The following FGGY variants were observed in gnomAD, a reference collection of about 807,000 sequenced individuals.
FGGY encodes the protein FGGY carbohydrate kinase domain containing, also known as FGGY carbohydrate kinase domain-containing protein.
A neutral mutation model predicts 71.3 loss-of-function variants in FGGY; 72 were observed. The observed-to-expected ratio is 1.01, with a 90% CI of 0.84 to 1.23. FGGY has a LOEUF of 1.23. Ranked by LOEUF, FGGY falls within the 50% of genes most tolerant of loss-of-function variation. FGGY has a pLI of 0.00. For missense variants in FGGY, 668 were observed against 682.3 expected, an observed-to-expected ratio of 0.98 and a Z score of 0.23; for synonymous variants, 251 against 250.3, an observed-to-expected ratio of 1.00 and a Z score of -0.02.
At chr1:59,557,462 T>TTCCAATAC (rs2095708525) in intron 8 of FGGY, among the ~76,000 whole-genome samples, 1 of 152,154 alleles carries the variant, frequency 6.6e-6, no homozygotes, top group African/African-American at 2.4e-5. Context: ...ACTTAGAAGC[T>TTCCAATAC]TCGTACCTCC....
intron 5 of FGGY, among the ~76,000 whole-genome samples, chr1:59,431,058 C>T (rs2067272683): frequency 6.6e-6 from 1 of 152,168 alleles, no homozygotes; most frequent in Admixed American, 6.5e-5. Context: ...TATATTGCCT[C>T]AGATATCACT....
chr1:59,713,307 C>T (rs2097813771), intron 14 of FGGY, among the ~76,000 whole-genome samples: 1 of 152,202 alleles, frequency 6.6e-6, no homozygotes, highest in African/African-American at 2.4e-5. Context: ...TTCCTGTCTT[C>T]TTCTGAGTCT....
At chr1:59,657,657 A>G (rs1459137483) in intron 11 of FGGY, among the ~76,000 whole-genome samples, 1 of 152,188 alleles carries the variant, frequency 6.6e-6, no homozygotes, top group Non-Finnish European at 1.5e-5. Context: ...TGTTCCACTC[A>G]GGGGGCTATG....
At chr1:59,425,117 G>A (rs574127530) in intron 5 of FGGY, among the ~76,000 whole-genome samples, 21 of 152,112 alleles carry the variant, frequency 1.4e-4, no homozygotes, top group Non-Finnish European at 2.4e-4. Context: ...CCGTAAAAGC[G>A]ATATCATATA....
At chr1:59,302,262 C>T (rs1459054209) in intron 1 of FGGY, among the ~76,000 whole-genome samples, 1 of 151,822 alleles carries the variant, frequency 6.6e-6, no homozygotes, top group Non-Finnish European at 1.5e-5. Flanking sequence ...AATACCTGAC[C>T]TCTCGGTAAA....
At chr1:59,450,013 T>C (rs1341610025) in intron 5 of FGGY, among the ~76,000 whole-genome samples, 5 of 152,226 alleles carry the variant, frequency 3.3e-5, no homozygotes, top group Non-Finnish European at 7.3e-5. Flanking sequence ...AGTTGGGTTT[T>C]ATTTTTATTC....
In FGGY at chr1:59,571,076, G is replaced by A. The variant is rs867930684; in HGVS notation, c.903+16849G>A. Among the ~76,000 whole-genome samples, 3 of 152,268 alleles carry A rather than the reference G, an allele frequency of 2.0e-5. No homozygotes were observed. The South Asian group carries it at 6.2e-4, about 32-fold the overall frequency. On this transcript the variant is annotated intron_variant, in intron 8 of 15. Coordinates refer to ENST00000303721, the MANE Select transcript of FGGY (RefSeq NM_018291.5). The stretch of plus-strand genomic sequence containing the variant: ...ATATACCCCATCTGTGGACCCCTGG[G>A]TCCAGGTGCAGAGTAGTGGAACATT...
intron 4 of FGGY, among the ~76,000 whole-genome samples, chr1:59,354,530 C>T (rs1407352528): frequency 6.6e-6 from 1 of 152,228 alleles, no homozygotes; most frequent in African/African-American, 2.4e-5. Context: ...TCTACTGCCT[C>T]TTTCAGCGTT....
chr1:59,347,953 A>T (rs185374705), intron 4 of FGGY, among the ~76,000 whole-genome samples: 12 of 152,312 alleles, frequency 7.9e-5, no homozygotes, highest in Admixed American at 2.6e-4. Context: ...AAAATTGACA[A>T]ATGGGATCTC....
intron 11 of FGGY, among the ~76,000 whole-genome samples, chr1:59,649,879 C>T (rs1189284199): frequency 1.4e-5 from 2 of 140,760 alleles, no homozygotes; most frequent in Non-Finnish European, 3.0e-5. Flanking sequence ...ATGATATTGG[C>T]TGTGGGTTTG....
At chr1:59,739,384 A>G (rs2098129696) in intron 14 of FGGY, among the ~76,000 whole-genome samples, 1 of 151,996 alleles carries the variant, frequency 6.6e-6, no homozygotes, top group African/African-American at 2.4e-5. Context: ...GCCTCACCTC[A>G]CCTATCTGGC....
At chr1:59,317,564 C>A (rs1290124614) in intron 1 of FGGY, among the ~76,000 whole-genome samples, 1 of 152,164 alleles carries the variant, frequency 6.6e-6, no homozygotes, top group African/African-American at 2.4e-5. Context: ...GTCTAGGACG[C>A]AGCAGATCAT....
intron 6 of FGGY, among the ~76,000 whole-genome samples, chr1:59,475,506 A>G (rs2093220829): frequency 6.6e-6 from 1 of 152,226 alleles, no homozygotes; most frequent in Non-Finnish European, 1.5e-5. Context: ...CCAAACTTGT[A>G]AAATAGGTTT....
At position 59,299,022 on chromosome 1, in the gene FGGY, G is replaced by T. The variant is rs554465575; in HGVS notation, c.-15+1872G>T. Among the ~76,000 whole-genome samples, 7 of 152,356 alleles carry T rather than the reference G, an allele frequency of 4.6e-5. No individual in the cohort carries two copies. In the East Asian group the frequency reaches 1.2e-3, roughly 25 times the overall value. On this transcript the variant is annotated intron_variant, in intron 1 of 15. Coordinates refer to ENST00000303721, the MANE Select transcript of FGGY (RefSeq NM_018291.5). Reference sequence around the variant, plus strand: ...TGCTTCAATCCACTTTGATGAGGGAGATTATGTGATAGTGAGATGAGTACA... The same window carrying T: ...TGCTTCAATCCACTTTGATGAGGGATATTATGTGATAGTGAGATGAGTACA...
chr1:59,520,446 C>G (rs567731438), intron 7 of FGGY, among the ~76,000 whole-genome samples: 1 of 152,300 alleles, frequency 6.6e-6, no homozygotes, highest in Admixed American at 6.5e-5. Flanking sequence ...CATCAGCACT[C>G]AGTCTAAATG....
At chr1:59,304,014 T>C (rs1246455119) in intron 1 of FGGY, among the ~76,000 whole-genome samples, 1 of 152,158 alleles carries the variant, frequency 6.6e-6, no homozygotes, top group Non-Finnish European at 1.5e-5. Flanking sequence ...ATATGATTTG[T>C]AAATATTTTC....
At chr1:59,353,119 T>C (rs928553142) in intron 4 of FGGY, among the ~76,000 whole-genome samples, 2 of 152,206 alleles carry the variant, frequency 1.3e-5, no homozygotes, top group African/African-American at 4.8e-5. Context: ...TTACCAATTG[T>C]GGGATCTTGG....
At chr1:59,683,977 G>A (rs1306358947) in intron 14 of FGGY, among the ~76,000 whole-genome samples, 3 of 152,096 alleles carry the variant, frequency 2.0e-5, no homozygotes, top group East Asian at 3.9e-4. Flanking sequence ...AGATTGGGTG[G>A]GCTGTGATAG....
chr1:59,488,798 C>A (rs2093735154), intron 6 of FGGY, among the ~76,000 whole-genome samples: 1 of 151,148 alleles, frequency 6.6e-6, no homozygotes, highest in South Asian at 2.1e-4. Flanking sequence ...TATGTTATTC[C>A]TTAGGATGGA....
Sources: gnomAD v4.1 joint callset for allele counts (sites outside exome capture counted in the v4.1 genomes callset) on GRCh38, gnomAD v4.1.1 for gene constraint, MANE v1.5 for transcripts, NCBI Gene and HGNC (gene_info 2026-07-23, HGNC 2026-07-21) for gene names.